Variants in ACSL4 observed in about 807,000 individuals in gnomAD.
ACSL4 encodes the protein long-chain-fatty-acid--CoA ligase 4.
Under a neutral mutation model 49.1 loss-of-function variants are expected in ACSL4, and 9 were observed. That is an observed-to-expected ratio of 0.18 (90% CI 0.11 to 0.32). The LOEUF (loss-of-function observed/expected upper bound fraction) is 0.32, where lower values mean the gene tolerates loss of function less well. Among genes scored for constraint, ACSL4 ranks in the 10% least tolerant of loss-of-function variants. ACSL4 has a pLI of 1.00. For missense variants in ACSL4, 333 were observed against 493.7 expected (o/e 0.67, Z 3.08); for synonymous variants, 191 against 170.3 (o/e 1.12, Z -0.95).
chrX:109,683,552 G>A (rs2147450846), intron 2 of ACSL4, 177 bp from the exon 3 acceptor site: 4 of 865,172 alleles, frequency 4.6e-6, no homozygotes, highest in Non-Finnish European at 6.8e-6. Context: ...GCCTTATTGT[G>A]CTGAAGAAGG....
intron 15 of ACSL4, among the ~76,000 whole-genome samples, chrX:109,657,824 AG>A (rs1408905786): frequency 8.9e-6 from 1 of 111,788 alleles, no homozygotes; most frequent in Non-Finnish European, 1.9e-5. Context: ...ACTAGTTTAC[AG>A]TCCCACCAAC....
At chrX:109,680,894 G>T in intron 6 of ACSL4, 104 bp downstream of exon 6, 6 of 875,892 alleles carry the variant, frequency 6.9e-6, no homozygotes, top group East Asian at 3.2e-5. Flanking sequence ...TTTTTTTTCA[G>T]TCAAAGAACT....
intron 1 of ACSL4, among the ~76,000 whole-genome samples, chrX:109,721,762 A>G (rs1222800769): frequency 9.0e-6 from 1 of 110,855 alleles, no homozygotes; most frequent in Non-Finnish European, 1.9e-5. Context: ...AGAAAAGAAA[A>G]AAGAAGAAAC....
chrX:109,670,881 C>G (rs189355601), intron 9 of ACSL4, among the ~76,000 whole-genome samples: 262 of 112,740 alleles, frequency 2.3e-3, no homozygotes, highest in African/African-American at 7.9e-3. Context: ...CCAGCCTCGG[C>G]CTCCCGAGGT....
At position 109,682,773 on chromosome X, in the gene ACSL4, T is replaced by A. The variant is rs747630130; in HGVS notation, c.352A>T (p.Thr118Ser). ...PKNTIAIFCE[T>S]RAEWMIAAQT... ...GCTGCAATCATCCATTCGGCCCTGG[T>A]CTCACAGAAGATGGCAATGGTGTTC... The change falls in exon 4 of 16, where the codon ACC becomes TCC. Residue 118 changes from threonine to serine, a missense_variant. Physicochemically the swap from Thr to Ser is moderately conservative, Grantham distance 58. Transcript: ENST00000672401. 1 of 1,211,834 alleles carries A rather than the reference T, an allele frequency of 8.3e-7. No individual in the cohort carries two copies. The highest frequency in any genetic ancestry group is 2.2e-5 in the Admixed American group (1 of 46,026).
intron 15 of ACSL4, among the ~76,000 whole-genome samples, chrX:109,656,969 T>C (rs746554818): frequency 9.0e-6 from 1 of 111,731 alleles, no homozygotes; most frequent in African/African-American, 3.3e-5. Flanking sequence ...TCTCCTGGCA[T>C]CTTGCCAATC....
intron 9 of ACSL4, among the ~76,000 whole-genome samples, chrX:109,674,137 T>C (rs1449123457): frequency 9.0e-6 from 1 of 111,567 alleles, no homozygotes; most frequent in Non-Finnish European, 1.9e-5. Flanking sequence ...ATTCTCACAG[T>C]AGGTAACCTG....
chrX:109,662,450 C>T (rs762517613), intron 13 of ACSL4, among the ~76,000 whole-genome samples: 5 of 111,215 alleles, frequency 4.5e-5, no homozygotes, highest in Admixed American at 9.6e-5. Context: ...TGAGGTCCAG[C>T]GATGGATTGA....
intron 1 of ACSL4, among the ~76,000 whole-genome samples, chrX:109,718,917 T>C (rs1927334832): frequency 8.9e-6 from 1 of 111,788 alleles, no homozygotes; most frequent in Non-Finnish European, 1.9e-5. Context: ...TCATCTTTGG[T>C]AATGTCCTAG....
At chrX:109,687,584 A>G (rs1184948570) in intron 2 of ACSL4, among the ~76,000 whole-genome samples, 1 of 111,474 alleles carries the variant, frequency 9.0e-6, no homozygotes, top group South Asian at 3.8e-4. Context: ...CAGGGGATGG[A>G]GGGCTAGGGG....
intron 1 of ACSL4, among the ~76,000 whole-genome samples, chrX:109,723,624 C>T (rs1321192701): frequency 8.9e-6 from 1 of 111,984 alleles, no homozygotes; most frequent in East Asian, 2.8e-4. Flanking sequence ...TTATTTAAAT[C>T]ATTCCCTACT....
intron 1 of ACSL4, among the ~76,000 whole-genome samples, chrX:109,711,316 T>C (rs1926733135): frequency 8.9e-6 from 1 of 112,048 alleles, no homozygotes; most frequent in African/African-American, 3.2e-5. Context: ...ACACAGACCA[T>C]TCCATTTACT....
chrX:109,719,162 C>A, intron 1 of ACSL4, among the ~76,000 whole-genome samples: 1 of 112,205 alleles, frequency 8.9e-6, no homozygotes, highest in Non-Finnish European at 1.9e-5. Context: ...CTCTGTAAAA[C>A]GTGTTAGGAA....
intron 1 of ACSL4, among the ~76,000 whole-genome samples, chrX:109,717,919 T>C (rs1167743063): frequency 9.0e-6 from 1 of 111,637 alleles, no homozygotes; most frequent in Non-Finnish European, 1.9e-5. Flanking sequence ...CCAAGACAAT[T>C]CTTCTTCCAA....
chrX:109,690,760 G>T (rs771434157), intron 2 of ACSL4, among the ~76,000 whole-genome samples: 5 of 92,096 alleles, frequency 5.4e-5, no homozygotes, highest in East Asian at 7.9e-4. Context: ...GACATTTTAG[G>T]GGGGGGGGGC....
At chrX:109,724,768 C>A (rs971381463) in intron 1 of ACSL4, among the ~76,000 whole-genome samples, 1 of 108,944 alleles carries the variant, frequency 9.2e-6, no homozygotes, top group African/African-American at 3.3e-5. Context: ...AAAAATTAGC[C>A]GGGTGTGGTG....
intron 15 of ACSL4, among the ~76,000 whole-genome samples, chrX:109,652,622 G>A (rs923839395): frequency 5.4e-5 from 6 of 111,056 alleles, no homozygotes; most frequent in African/African-American, 9.8e-5. Context: ...TATATTTAAA[G>A]AAAATACTAT....
At chrX:109,701,677 T>G (rs1474963307) in intron 1 of ACSL4, among the ~76,000 whole-genome samples, 1 of 103,144 alleles carries the variant, frequency 9.7e-6, no homozygotes, top group East Asian at 3.1e-4. Flanking sequence ...CCCGAGTAGC[T>G]GGGACTACAG....
At chrX:109,717,490 C>G (rs996612017) in intron 1 of ACSL4, among the ~76,000 whole-genome samples, 1 of 110,501 alleles carries the variant, frequency 9.0e-6, no homozygotes, top group Non-Finnish European at 1.9e-5. Flanking sequence ...GAACAAAACT[C>G]CATCTCAAAA....
Sources: gnomAD v4.1 joint callset for allele counts (sites outside exome capture counted in the v4.1 genomes callset) on GRCh38, gnomAD v4.1.1 for gene constraint, MANE v1.5 for transcripts, NCBI Gene and HGNC (gene_info 2026-07-23, HGNC 2026-07-21) for gene names.